SMS: variants seen among roughly 807,000 people sequenced by gnomAD.
The protein encoded by SMS is spermine synthase, also known as spermidine aminopropyltransferase.
Under a neutral mutation model 33.0 loss-of-function variants are expected in SMS, and 3 were observed. The observed-to-expected ratio is 0.09, with a 90% CI of 0.04 to 0.23. The LOEUF (loss-of-function observed/expected upper bound fraction) is 0.23. SMS is among the 10% of genes least tolerant of loss of function. SMS has a pLI of 1.00. For synonymous variants in SMS, 103 were observed against 112.2 expected (o/e 0.92, Z 0.52); for missense variants, 117 against 288.6 (o/e 0.41, Z 4.31).
chrX:21,985,738 G>A (rs1925277772), intron 9 of SMS, among the ~76,000 whole-genome samples: 1 of 111,871 alleles, frequency 8.9e-6, no homozygotes, highest in African/African-American at 3.2e-5. Context: ...CATAAGATAA[G>A]CACTTATGTA....
At chrX:21,950,440 T>C (rs1922526695) in intron 1 of SMS, among the ~76,000 whole-genome samples, 2 of 107,403 alleles carry the variant, frequency 1.9e-5, no homozygotes, top group African/African-American at 6.8e-5. Flanking sequence ...GGACTTTTTT[T>C]TTTTTTTTTT....
intron 4 of SMS, among the ~76,000 whole-genome samples, chrX:21,974,876 T>TAA (rs1225140180): frequency 2.7e-5 from 2 of 75,103 alleles, no homozygotes; most frequent in Non-Finnish European, 5.3e-5. Flanking sequence ...TTTTTTTTTT[T>TAA]AAATCTGGAG....
At chrX:21,979,653 G>A (rs932754276) in intron 7 of SMS, among the ~76,000 whole-genome samples, 19 of 111,026 alleles carry the variant, frequency 1.7e-4, no homozygotes, top group East Asian at 1.4e-3. Context: ...GAATAGTGCC[G>A]CAATAAATAT....
At chrX:21,970,843 A>G (rs1924098516) in intron 2 of SMS, among the ~76,000 whole-genome samples, 1 of 108,202 alleles carries the variant, frequency 9.2e-6, no homozygotes, top group African/African-American at 3.4e-5. Flanking sequence ...CTTTACCTAT[A>G]ATTTGTAGTA....
At chrX:21,980,946 G>C (rs1924898141) in intron 7 of SMS, among the ~76,000 whole-genome samples, 1 of 111,940 alleles carries the variant, frequency 8.9e-6, no homozygotes, top group African/African-American at 3.2e-5. Flanking sequence ...GAATGGTATT[G>C]TGAGACTGGT....
intron 1 of SMS, among the ~76,000 whole-genome samples, chrX:21,957,351 C>T (rs1602189413): frequency 9.1e-6 from 1 of 109,895 alleles, no homozygotes; most frequent in African/African-American, 3.3e-5. Flanking sequence ...GGCTGGAGTG[C>T]AGTGGCACCG....
At chrX:21,979,057 AGTTG>A (rs367902046) in intron 7 of SMS, 91 bp downstream of exon 7, 6 of 636,498 alleles carry the variant, frequency 9.4e-6, no homozygotes, top group South Asian at 2.3e-5. Context: ...CTTTTAGTAT[AGTTG>A]GTTGAGAAGA....
chrX:21,941,206 C>G (rs1921740294), intron 1 of SMS: 1 of 112,587 alleles, frequency 8.9e-6, no homozygotes, highest in African/African-American at 3.2e-5. Context: ...TTCGCGCTCC[C>G]GCTCGGGGAG....
chrX:21,979,047 C>G, intron 7 of SMS, 81 bp downstream of exon 7: 1 of 682,862 alleles, frequency 1.5e-6, no homozygotes, highest in Non-Finnish European at 2.4e-6. Flanking sequence ...ATTAAAACAG[C>G]TTTTAGTATA....
intron 1 of SMS, among the ~76,000 whole-genome samples, chrX:21,965,338 TA>T (rs1923627404): frequency 9.0e-6 from 1 of 110,863 alleles, no homozygotes; most frequent in Admixed American, 9.6e-5. Context: ...TTTACACTTT[TA>T]AAAAGTCTGT....
At chrX:21,959,921 A>C (rs2147500797) in intron 1 of SMS, 1 of 752,973 alleles carries the variant, frequency 1.3e-6, no homozygotes, top group East Asian at 1.5e-4. Flanking sequence ...GATCCCTGAA[A>C]GGAGCAGGCA....
chrX:21,972,078 A>G (rs1488921671), intron 3 of SMS, 88 bp downstream of exon 3: 1 of 635,014 alleles, frequency 1.6e-6, no homozygotes, highest in African/African-American at 2.2e-5. Context: ...TTCATTGCTT[A>G]CTTTCCAGTT....
Position 21,960,018 on chromosome X carries a change from ACTGT to A in SMS, c.50-7173_50-7170del, listed in dbSNP as rs915804872. 2.9e-5 allele frequency: 15 copies of A among 521,372 alleles called. No individual in the cohort carries two copies. In the African/African-American group the frequency reaches 3.8e-4, roughly 13 times the overall value. 43.0% of individuals were successfully genotyped at this position (521,372 alleles called of 1,213,427 possible). ...AGCATGGGCGGGGAAGGCGTGAGTGACTGTCTGTGTGTACATCCGTGTGTGTGTG... is the reference window on the plus strand; with the variant it reads ...AGCATGGGCGGGGAAGGCGTGAGTGACTGTGTGTACATCCGTGTGTGTGTG... On this transcript the variant is annotated intron_variant, in intron 1 of 10. Transcript: ENST00000404933.
chrX:21,964,972 A>G (rs1019685709), intron 1 of SMS, among the ~76,000 whole-genome samples: 1 of 111,423 alleles, frequency 9.0e-6, no homozygotes, highest in African/African-American at 3.3e-5. Flanking sequence ...GGGAGAATCC[A>G]TCCTTGCCTC....
chrX:21,966,004 C>T (rs931057216), intron 1 of SMS, among the ~76,000 whole-genome samples: 1 of 111,707 alleles, frequency 9.0e-6, no homozygotes. Flanking sequence ...TATCTGTCCA[C>T]TTTGGCCTCT....
intron 1 of SMS, among the ~76,000 whole-genome samples, chrX:21,962,700 G>C (rs915455472): frequency 7.2e-5 from 8 of 111,604 alleles, no homozygotes; most frequent in African/African-American, 2.6e-4. Context: ...CTGTTGCCCA[G>C]GCTGAAGTGA....
At position 21,972,713 on chromosome X, in the gene SMS, A is replaced by G. The variant is rs775940570; in HGVS notation, c.329+142A>G. 1.6e-5 allele frequency: 8 copies of G among 488,631 alleles called. No individual in the cohort carries two copies. In the Admixed American group the frequency reaches 2.0e-4, roughly 12 times the overall value. The allele number at this position is 488,631 out of a possible 1,213,427, so 40.3% of individuals were successfully genotyped here. A position where few individuals can be genotyped will look rare whatever the true frequency, so the allele number is the denominator to read the frequency against. The stretch of plus-strand genomic sequence containing the variant: ...CACTTGAAGTCAGGAGTTTGAGACC[A>G]GCCTGGCCAATGTGGCAAAACACCG... On this transcript the variant is annotated intron_variant, in intron 4 of 10. Transcript: ENST00000404933.
chrX:21,962,707 G>A (rs1468293611), intron 1 of SMS, among the ~76,000 whole-genome samples: 1 of 111,643 alleles, frequency 9.0e-6, no homozygotes, highest in Non-Finnish European at 1.9e-5. Flanking sequence ...CCAGGCTGAA[G>A]TGAGGTGGCA....
At chrX:21,950,600 C>A (rs1183701546) in intron 1 of SMS, among the ~76,000 whole-genome samples, 1 of 108,528 alleles carries the variant, frequency 9.2e-6, no homozygotes, top group African/African-American at 3.4e-5. Context: ...TCCCCTTGCC[C>A]CCCACCCCCT....
Sources: gnomAD v4.1 joint callset for allele counts (sites outside exome capture counted in the v4.1 genomes callset) on GRCh38, gnomAD v4.1.1 for gene constraint, MANE v1.5 for transcripts, NCBI Gene and HGNC (gene_info 2026-07-23, HGNC 2026-07-21) for gene names.